Variants in STK3 observed in about 807,000 individuals in gnomAD.
STK3 encodes the protein serine/threonine-protein kinase 3.
A neutral mutation model predicts 58.0 loss-of-function variants in STK3; 41 were observed. That is an observed-to-expected ratio of 0.71 (90% CI 0.55 to 0.92). STK3 has a LOEUF of 0.92. STK3 is among the 40% of genes least tolerant of loss of function. The pLI is 0.00. For missense variants in STK3, 479 were observed against 602.7 expected (o/e 0.79, Z 2.15); for synonymous variants, 170 against 191.0 (o/e 0.89, Z 0.91).
At chr8:98,452,763 T>A (rs894992472), downstream of STK3, among the ~76,000 whole-genome samples, 7 of 151,036 alleles carry the variant, frequency 4.6e-5, no homozygotes, top group African/African-American at 1.7e-4. Flanking sequence ...GAAGATTTTT[T>A]TTTTTTTTTT....
intron 6 of STK3, among the ~76,000 whole-genome samples, chr8:98,604,537 T>C (rs911550406): frequency 3.3e-5 from 5 of 152,194 alleles, no homozygotes; most frequent in African/African-American, 1.2e-4. Context: ...AACCCCATAT[T>C]TCCCTCTTGC....
intron 8 of STK3, among the ~76,000 whole-genome samples, chr8:98,549,582 GAA>G (rs968881778): frequency 3.3e-5 from 5 of 152,058 alleles, no homozygotes; most frequent in African/African-American, 7.2e-5. Context: ...TAATTTTGAT[GAA>G]GTCTGATTTA....
At chr8:98,753,604 T>C (rs1314902754) in intron 3 of STK3, among the ~76,000 whole-genome samples, 1 of 151,964 alleles carries the variant, frequency 6.6e-6, no homozygotes, top group Non-Finnish European at 1.5e-5. Flanking sequence ...AACCTGCACA[T>C]GTACCTCTGA....
chr8:98,751,207 G>A (rs572762024), intron 3 of STK3, among the ~76,000 whole-genome samples: 23 of 152,250 alleles, frequency 1.5e-4, no homozygotes, highest in African/African-American at 4.8e-4. Flanking sequence ...GACAAGGATG[G>A]ACTCTCTCAC....
chr8:98,917,077 G>A (rs1839372422), intron 1 of STK3, among the ~76,000 whole-genome samples: 1 of 152,186 alleles, frequency 6.6e-6, no homozygotes. Flanking sequence ...CCATGTTCTT[G>A]GAGCACAATG....
At chr8:98,411,735 G>C (rs1818059482) in intron 3 of STK3, among the ~76,000 whole-genome samples, 2 of 152,234 alleles carry the variant, frequency 1.3e-5, no homozygotes, top group African/African-American at 4.8e-5. Context: ...GCTGAGGCCT[G>C]AGAAATGCCT....
intron 3 of STK3, among the ~76,000 whole-genome samples, chr8:98,835,743 A>G (rs1343586428): frequency 6.6e-6 from 1 of 152,230 alleles, no homozygotes; most frequent in Admixed American, 6.5e-5. Flanking sequence ...TCTGCCATTC[A>G]GTGAGACACA....
At chr8:98,469,283 CA>C (rs1167217334) in intron 10 of STK3, among the ~76,000 whole-genome samples, 1 of 150,408 alleles carries the variant, frequency 6.6e-6, no homozygotes, top group Non-Finnish European at 1.5e-5. Flanking sequence ...AGAATGGCGC[CA>C]AATTAGATTT....
At chr8:98,520,270 TCTC>T (rs1825252926) in intron 10 of STK3, among the ~76,000 whole-genome samples, 1 of 152,166 alleles carries the variant, frequency 6.6e-6, no homozygotes, top group African/African-American at 2.4e-5. Context: ...ATATATTTTA[TCTC>T]CTATCTTTTT....
intron 10 of STK3, among the ~76,000 whole-genome samples, chr8:98,521,240 C>T (rs1012065161): frequency 2.6e-5 from 4 of 152,058 alleles, no homozygotes; most frequent in African/African-American, 9.7e-5. Flanking sequence ...AAATAAATAA[C>T]TCTGCAAAAA....
intron 3 of STK3, among the ~76,000 whole-genome samples, chr8:98,403,738 ACC>A (rs1187470198): frequency 9.2e-4 from 140 of 152,148 alleles, no homozygotes; most frequent in African/African-American, 3.0e-3. Flanking sequence ...CTTGCACACT[ACC>A]CTTGTTACAA....
At chr8:98,939,595 G>T (rs1168873298) in intron 1 of STK3, among the ~76,000 whole-genome samples, 1 of 152,254 alleles carries the variant, frequency 6.6e-6, no homozygotes. Flanking sequence ...CGGGAGGGTA[G>T]CGCTGCTCAG....
intron 6 of STK3, among the ~76,000 whole-genome samples, chr8:98,610,301 T>C (rs1817092364): frequency 6.6e-6 from 1 of 152,150 alleles, no homozygotes; most frequent in Non-Finnish European, 1.5e-5. Flanking sequence ...GGGAAATAAA[T>C]TAATACTAGT....
chr8:98,800,368 G>A lies in STK3; in HGVS notation c.26+25147C>T, dbSNP rs921404216. On this transcript the variant is annotated intron_variant, in intron 1 of 10. Coordinates refer to ENST00000419617, the MANE Select transcript of STK3 (RefSeq NM_006281.4). The surrounding 1 kb of genome is among the most constrained non-coding windows in gnomAD (Gnocchi z 4.8). ...GCAGGAAGTAGTTAGAGCGGTCATC[G>A]GCCAAATTCCCAACAGCAGTTGGGG... is the stretch of plus-strand genomic sequence containing the variant. 2.6e-5 allele frequency among the ~76,000 whole-genome samples: 4 copies of A among 152,180 alleles called. No homozygotes were observed. The highest frequency in any genetic ancestry group is 5.9e-5 in the Non-Finnish European group (4 of 68,016).
At chr8:98,368,497 A>G (rs1425924733), downstream of STK3, among the ~76,000 whole-genome samples, 1 of 152,182 alleles carries the variant, frequency 6.6e-6, no homozygotes, top group Non-Finnish European at 1.5e-5. Context: ...ACATGCTAAC[A>G]TGGGAGCACA....
At chr8:98,813,231 A>C (rs1380370344) in intron 1 of STK3, among the ~76,000 whole-genome samples, 4 of 152,196 alleles carry the variant, frequency 2.6e-5, no homozygotes, top group African/African-American at 9.6e-5. Flanking sequence ...AAAGCTAAAT[A>C]ACTTGCCCAC....
chr8:98,463,065 T>C (rs1820134769), intron 10 of STK3: 2 of 152,230 alleles, frequency 1.3e-5, no homozygotes, highest in African/African-American at 4.8e-5. Flanking sequence ...TCAATTGTTT[T>C]GAACAGAAAA....
chr8:98,684,551 T>G (rs1466264531), intron 6 of STK3, among the ~76,000 whole-genome samples: 2 of 152,214 alleles, frequency 1.3e-5, no homozygotes, highest in Admixed American at 1.3e-4. Flanking sequence ...TAGTTCATAT[T>G]TCTACAGTAC....
chr8:98,766,040 T>C (rs952344777), intron 3 of STK3, among the ~76,000 whole-genome samples: 1 of 152,182 alleles, frequency 6.6e-6, no homozygotes, highest in African/African-American at 2.4e-5. Flanking sequence ...CCTTTCTACC[T>C]GTCATCCCCT....
Sources: gnomAD v4.1 joint callset for allele counts (sites outside exome capture counted in the v4.1 genomes callset) on GRCh38, gnomAD v4.1.1 for gene constraint, Gnocchi (gnomAD v3.1) non-coding constraint, MANE v1.5 for transcripts, NCBI Gene and HGNC (gene_info 2026-07-23, HGNC 2026-07-21) for gene names.